XPOT: variants seen among roughly 807,000 people sequenced by gnomAD.
The protein encoded by XPOT is exportin for tRNA, also known as exportin-T.
XPOT carries 34 observed loss-of-function variants against 128.2 expected under a neutral mutation model. The ratio of observed to expected loss-of-function variants is 0.27; its 90% confidence interval spans 0.20 to 0.35. The LOEUF (loss-of-function observed/expected upper bound fraction) is 0.35. XPOT is among the 10% of genes least tolerant of loss of function. The pLI, the probability that XPOT is intolerant of heterozygous loss-of-function variation, is 1.00. For synonymous variants in XPOT, 348 were observed against 394.3 expected (o/e 0.88, Z 1.39); for missense variants, 838 against 1,125.3 (o/e 0.74, Z 3.65).
chr12:64,446,623 AT>A (rs144576382), intron 24 of XPOT, among the ~76,000 whole-genome samples: 336 of 143,164 alleles, frequency 2.3e-3, no homozygotes, highest in African/African-American at 6.4e-3. Flanking sequence ...TTGGCACTTA[AT>A]TTTTTTTTTT....
chr12:64,425,509 A>G, intron 14 of XPOT, 52 bp downstream of exon 14: 1 of 1,587,472 alleles, frequency 6.3e-7, no homozygotes, highest in Non-Finnish European at 8.6e-7. Flanking sequence ...TAATGACTTG[A>G]TAGTGTAGTA....
intron 23 of XPOT, among the ~76,000 whole-genome samples, chr12:64,439,624 A>C (rs1195799172): frequency 6.6e-6 from 1 of 152,158 alleles, no homozygotes; most frequent in African/African-American, 2.4e-5. Flanking sequence ...TTTTTTAAAA[A>C]AACATTCTAA....
At position 64,448,759 on chromosome 12, in the gene XPOT, C is replaced by T. The variant is rs1216266437; in HGVS notation, c.*628C>T. The T allele has an allele frequency of 6.6e-6, 1 of 151,988 alleles. No homozygotes were observed. The highest frequency in any genetic ancestry group is 2.4e-5 in the African/African-American group (1 of 41,374). The allele number at this position is 151,988 out of a possible 1,614,324, so 9.4% of individuals were successfully genotyped here. On this transcript the variant is annotated 3_prime_UTR_variant, in exon 25 of 25. Coordinates refer to ENST00000332707, the MANE Select transcript of XPOT (RefSeq NM_007235.6). ...TCATCTTAATCTCTCCATAATTTCCCATTTAAAGGTTTACAAATATGAGTG... is the reference window on the plus strand; with the variant it reads ...TCATCTTAATCTCTCCATAATTTCCTATTTAAAGGTTTACAAATATGAGTG...
chr12:64,430,948 C>CT (rs916327912), intron 17 of XPOT, among the ~76,000 whole-genome samples: 21 of 150,188 alleles, frequency 1.4e-4, no homozygotes, highest in Admixed American at 3.3e-4. Flanking sequence ...TTTCTTTTTT[C>CT]TTTTTTTTGT....
At position 64,414,959 on chromosome 12, in the gene XPOT, G is replaced by A; in HGVS notation, c.113G>A (p.Cys38Tyr). 6.2e-7 allele frequency: 1 copy of A among 1,613,556 alleles called. No individual in the cohort carries two copies. Among genetic ancestry groups the A allele is most frequent in the Non-Finnish European group, 8.5e-7 (1 of 1,179,688 alleles). Residue 38 changes from cysteine (C) to tyrosine (Y), a missense_variant, in exon 3 of 25, where the codon TGT becomes TAT. This residue lies in a region of XPOT where 761 missense variants were observed against 988.3 expected (regional missense o/e 0.77). Coordinates refer to ENST00000332707, the MANE Select transcript of XPOT (RefSeq NM_007235.6). Reference protein sequence around the residue: ...LKISPDAWQVCAEALAQRTYS... With the variant: ...LKISPDAWQVYAEALAQRTYS... ...ATTTCCCCAGATGCCTGGCAGGTGT[G>A]TGCAGAAGCTCTAGCCCAGAGGACA... is the stretch of plus-strand genomic sequence containing the variant.
At chr12:64,446,405 C>T (rs2040367593) in intron 24 of XPOT, among the ~76,000 whole-genome samples, 1 of 152,176 alleles carries the variant, frequency 6.6e-6, no homozygotes, top group Non-Finnish European at 1.5e-5. Flanking sequence ...CTCCTCCCTT[C>T]ACATCTGATT....
rs749189984 is a variant in XPOT, at chr12:64,425,495, C to G, written c.1572+38C>G. 4 of 1,607,230 alleles carry G rather than the reference C, an allele frequency of 2.5e-6. No individual in the cohort carries two copies. The South Asian group carries it at 4.4e-5, about 18-fold the overall frequency. On this transcript the variant is annotated intron_variant, in intron 14 of 24. Coordinates refer to ENST00000332707, the MANE Select transcript of XPOT (RefSeq NM_007235.6). ...GATTTTTGTTACTTTCCATGGGTTT[C>G]AGCTAATGACTTGATAGTGTAGTAT...
chr12:64,435,810 G>A (rs1223205714), intron 22 of XPOT, 136 bp downstream of exon 22: 4 of 761,458 alleles, frequency 5.3e-6, no homozygotes, highest in Non-Finnish European at 7.8e-6. Flanking sequence ...ATGAATGAAA[G>A]TAGCAGTATC....
At chr12:64,407,858 A>G (rs924675576) in intron 1 of XPOT, among the ~76,000 whole-genome samples, 2 of 152,184 alleles carry the variant, frequency 1.3e-5, no homozygotes, top group Non-Finnish European at 2.9e-5. Flanking sequence ...ATGAACCATA[A>G]GAGAAAGGGC....
chr12:64,450,152 ACTTTT>A lies in XPOT; in HGVS notation c.*2022_*2026del, dbSNP rs2040398552. ...TATGGAATTAATAGTGTATCACTAT[ACTTTT>A]TTTTTCTTTTTTTTTTTTGAATAGA... On this transcript the variant is annotated 3_prime_UTR_variant, in exon 25 of 25. Coordinates refer to ENST00000332707, the MANE Select transcript of XPOT (RefSeq NM_007235.6). 1 of 151,950 alleles carries A rather than the reference ACTTTT, an allele frequency of 6.6e-6. No homozygotes were observed. Among genetic ancestry groups the A allele is most frequent in the South Asian group, 2.1e-4 (1 of 4,824 alleles). The allele number at this position is 151,950 out of a possible 1,614,324, so 9.4% of individuals were successfully genotyped here. A position where few individuals can be genotyped will look rare whatever the true frequency, so the allele number is the denominator to read the frequency against.
intron 24 of XPOT, among the ~76,000 whole-genome samples, chr12:64,446,305 C>T (rs897078811): frequency 6.6e-6 from 1 of 152,178 alleles, no homozygotes; most frequent in Non-Finnish European, 1.5e-5. Context: ...GGCCCAACTT[C>T]TCTTCAGTGA....
rs1297405909 is a variant in XPOT at position 64,430,153 on chromosome 12, A to C, written c.1842A>C (p.Gln614His). 1.9e-6 allele frequency: 3 copies of C among 1,613,812 alleles called. No individual in the cohort carries two copies. ...VNSEYPAERK[Q>H]ALMRNLLTPL... ...GTGAATATCCGGCAGAAAGGAAACA[A>C]GCCTTAATGAGGAATCTGTTGACTC... The change falls in exon 17 of 25, where the codon CAA becomes CAC. Residue 614 changes from glutamine to histidine, a missense_variant. By Grantham distance (24) the Gln-to-His change is conservative. Coordinates refer to ENST00000332707, the MANE Select transcript of XPOT (RefSeq NM_007235.6).
chr12:64,434,549 G>T lies in XPOT; in HGVS notation c.2495G>T (p.Gly832Val). ...VERVLVTVIQGAVEYPDPIAQ... is the reference protein window; with the variant it reads ...VERVLVTVIQVAVEYPDPIAQ... ...AGAGTGTTGGTTACTGTTATCCAAG[G>T]AGCAGTTGAATATCCAGATCCAATT... Residue 832 changes from glycine to valine, a missense_variant, in exon 20 of 25, where the codon GGA becomes GTA. This residue lies in a region of XPOT where 761 missense variants were observed against 988.3 expected (regional missense o/e 0.77). Transcript: ENST00000332707. 2 of 1,613,874 alleles carry T rather than the reference G, an allele frequency of 1.2e-6. No individual in the cohort carries two copies. Among genetic ancestry groups the T allele is most frequent in the South Asian group, 2.2e-5 (2 of 91,066 alleles).
rs2040408714 is a variant in XPOT at position 64,451,031 on chromosome 12, T to C, written c.*2900T>C. On this transcript the variant is annotated 3_prime_UTR_variant, in exon 25 of 25. Coordinates refer to ENST00000332707, the MANE Select transcript of XPOT (RefSeq NM_007235.6). Reference sequence around the variant, plus strand: ...TTAGATATCAAAGAACTGAAATTAGTTGGAATTGTAAGCAGTGAATAGATG... The same window carrying C: ...TTAGATATCAAAGAACTGAAATTAGCTGGAATTGTAAGCAGTGAATAGATG... 1.3e-5 allele frequency: 2 copies of C among 152,234 alleles called. No homozygotes were observed. The highest frequency in any genetic ancestry group is 6.5e-5 in the Admixed American group (1 of 15,284). 9.4% of individuals were successfully genotyped at this position (152,234 alleles called of 1,614,324 possible).
chr12:64,424,078 A>G (rs1425946192), intron 11 of XPOT, among the ~76,000 whole-genome samples: 1 of 152,206 alleles, frequency 6.6e-6, no homozygotes, highest in Non-Finnish European at 1.5e-5. Context: ...TAAAAGGATA[A>G]TAGTGGTGCT....
intron 10 of XPOT, 44 bp downstream of exon 10, chr12:64,423,087 GTC>G (rs1565798225): frequency 6.2e-7 from 1 of 1,606,912 alleles, no homozygotes; most frequent in East Asian, 2.2e-5. Flanking sequence ...TAGATTTTTA[GTC>G]TGTAATTTGC....
At chr12:64,422,655 T>TACA (rs1279982248) in intron 9 of XPOT, among the ~76,000 whole-genome samples, 1 of 152,136 alleles carries the variant, frequency 6.6e-6, no homozygotes. Context: ...TCCCAGCACT[T>TACA]GGTAAGGCTG....
intron 8 of XPOT, 40 bp downstream of exon 8, chr12:64,420,561 AG>A: frequency 6.7e-7 from 1 of 1,502,260 alleles, no homozygotes; most frequent in Non-Finnish European, 9.1e-7. Context: ...TAAAGTTGTT[AG>A]AACAAACTGG....
At chr12:64,436,155 C>T (rs111832915) in intron 22 of XPOT, among the ~76,000 whole-genome samples, 2,341 of 152,178 alleles carry the variant, frequency 0.015, 26 homozygotes, top group Non-Finnish European at 0.023. Flanking sequence ...CAGGGTTTCA[C>T]CATGTTGGCC....
Sources: allele counts gnomAD v4.1 joint callset (sites outside exome capture counted in the v4.1 genomes callset), GRCh38; gene constraint gnomAD v4.1.1; regional missense constraint gnomAD v4.1.1; transcripts MANE v1.5; gene names NCBI Gene and HGNC (gene_info 2026-07-23, HGNC 2026-07-21).